The following ERCC6 variants were observed in gnomAD, a reference collection of about 807,000 sequenced individuals.
ERCC6 encodes the protein DNA excision repair protein ERCC-6.
ERCC6 carries 116 observed loss-of-function variants against 158.7 expected under a neutral mutation model. The observed-to-expected ratio is 0.73, with a 90% CI of 0.63 to 0.85. ERCC6 has a LOEUF of 0.85. Ranked by LOEUF, ERCC6 falls within the 40% of genes least tolerant of loss-of-function variation. ERCC6 has a pLI of 0.00. For missense variants in ERCC6, 1,698 were observed against 1,799.4 expected, an observed-to-expected ratio of 0.94 and a Z score of 1.02; for synonymous variants, 678 against 659.3, an observed-to-expected ratio of 1.03 and a Z score of -0.43.
chr10:49,485,545 T>A (rs1851062406), intron 8 of ERCC6, among the ~76,000 whole-genome samples: 2 of 152,320 alleles, frequency 1.3e-5, no homozygotes, highest in South Asian at 4.1e-4. Context: ...GTAATTCCTG[T>A]TCAGTTTCAT....
chr10:49,532,494 T>C (rs891488089), intron 2 of ERCC6, 49 bp downstream of exon 2: 8 of 1,608,222 alleles, frequency 5.0e-6, no homozygotes, highest in Non-Finnish European at 5.9e-6. Flanking sequence ...TGAATATCCC[T>C]GTCATGTTTT....
chr10:49,528,112 T>G (rs1306822983), intron 4 of ERCC6, among the ~76,000 whole-genome samples: 1 of 152,242 alleles, frequency 6.6e-6, no homozygotes, highest in Non-Finnish European at 1.5e-5. Flanking sequence ...TTAATCATGA[T>G]GCTAGTTGTC....
chr10:49,524,088 T>C lies in ERCC6; in HGVS notation c.1342A>G (p.Lys448Glu). 6.2e-7 allele frequency: 1 copy of C among 1,613,894 alleles called. No homozygotes were observed. The highest frequency in any genetic ancestry group is 8.5e-7 in the Non-Finnish European group (1 of 1,180,016). ...CCATCATCTCGGTATCTTCCCACTT[T>C]CCGACCTCCTCCTCCTCCTTCTCCT... is the stretch of plus-strand genomic sequence containing the variant. ...SVGEGGGGGR[K>E]VGRYRDDGDE... The change falls in exon 5 of 21, where the codon AAA becomes GAA. Residue 448 changes from lysine to glutamate, a missense_variant. Lys to Glu is a moderately conservative substitution (Grantham distance 56). Transcript: ENST00000355832.
intron 7 of ERCC6, among the ~76,000 whole-genome samples, chr10:49,500,193 C>T (rs1442001285): frequency 6.6e-6 from 1 of 152,044 alleles, no homozygotes; most frequent in Non-Finnish European, 1.5e-5. Flanking sequence ...TTTAAAATTC[C>T]ATATTGTGTA....
In ERCC6 at chr10:49,474,051, T is replaced by C. The variant is rs1259849663; in HGVS notation, c.2574A>G (p.Val858=). ...CCTGCCTTGACTGAGAAAACAGCAA[T>C]ACTCGCTGACCCTGCTTGTGCCATA... ...LKIWHKQGQR[V]LLFSQSRQML... is the part of the protein sequence containing the mutation. Residue 858 remains valine, a synonymous_variant, in exon 13 of 21, where the codon GTA becomes GTG. Coordinates refer to ENST00000355832, the MANE Select transcript of ERCC6 (RefSeq NM_000124.4). 1.2e-6 allele frequency: 2 copies of C among 1,614,100 alleles called. No individual in the cohort carries two copies. The highest frequency in any genetic ancestry group is 1.7e-6 in the Non-Finnish European group (2 of 1,180,014).
intron 5 of ERCC6, among the ~76,000 whole-genome samples, chr10:49,508,401 C>T (rs1851480622): frequency 6.6e-6 from 1 of 152,118 alleles, no homozygotes; most frequent in East Asian, 1.9e-4. Flanking sequence ...TCCTCCTCCT[C>T]CCTCCCTCCT....
At chr10:49,485,709 G>A (rs1276378199) in intron 8 of ERCC6, among the ~76,000 whole-genome samples, 6 of 152,170 alleles carry the variant, frequency 3.9e-5, no homozygotes, top group African/African-American at 1.4e-4. Flanking sequence ...GCTGATTACT[G>A]AGTAACAGTT....
downstream of ERCC6, among the ~76,000 whole-genome samples, chr10:49,453,726 T>C (rs1850446509): frequency 6.6e-6 from 1 of 151,822 alleles, no homozygotes; most frequent in African/African-American, 2.4e-5. Context: ...TTCACTTATA[T>C]TTTTGAATAA....
In ERCC6 at chr10:49,455,435, C is replaced by G. The variant is rs543455408; in HGVS notation, c.*3380G>C. 1 of 152,100 alleles carries G rather than the reference C, an allele frequency of 6.6e-6. No individual in the cohort carries two copies. The highest frequency in any genetic ancestry group is 1.9e-4 in the East Asian group (1 of 5,176). 9.4% of individuals were successfully genotyped at this position (152,100 alleles called of 1,614,324 possible). On this transcript the variant is annotated 3_prime_UTR_variant, in exon 21 of 21. Coordinates refer to ENST00000355832, the MANE Select transcript of ERCC6 (RefSeq NM_000124.4). ...TTGATTCAGCTGGAACAGAAAACAC[C>G]CAAGTATAAGACACTGAAGAGGGGG...
At chr10:49,479,504 T>G (rs947110609) in intron 10 of ERCC6, among the ~76,000 whole-genome samples, 18 of 152,186 alleles carry the variant, frequency 1.2e-4, no homozygotes, top group African/African-American at 4.1e-4. Context: ...ATCAATGACT[T>G]TTAGTTATAT....
chr10:49,495,691 A>G (rs1226655881), intron 7 of ERCC6, among the ~76,000 whole-genome samples: 1 of 152,030 alleles, frequency 6.6e-6, no homozygotes, highest in African/African-American at 2.4e-5. Flanking sequence ...CAGGTGCCCA[A>G]ATCAGAAACC....
chr10:49,504,804 A>G (rs1190103284), intron 6 of ERCC6: 1 of 152,200 alleles, frequency 6.6e-6, no homozygotes, highest in East Asian at 1.9e-4. Flanking sequence ...CTGTCCAGTT[A>G]AAGCAATCAC....
chr10:49,506,630 G>T (rs1336769618), intron 5 of ERCC6: 1 of 152,322 alleles, frequency 6.6e-6, no homozygotes, highest in African/African-American at 2.4e-5. Context: ...TACAAATTTA[G>T]TAATATGATA....
At position 49,473,569 on chromosome 10, in the gene ERCC6, C is replaced by T. The variant is rs534095433; in HGVS notation, c.2617G>A (p.Val873Ile). 2.8e-5 allele frequency: 45 copies of T among 1,607,082 alleles called. No homozygotes were observed. The South Asian group carries it at 4.8e-4, about 17-fold the overall frequency. The change falls in exon 14 of 21, where the codon GTA becomes ATA. Residue 873 changes from valine (V) to isoleucine (I), a missense_variant. Val to Ile is a conservative substitution (Grantham distance 29, BLOSUM62 3). Coordinates refer to ENST00000355832, the MANE Select transcript of ERCC6 (RefSeq NM_000124.4). ...GTATACTTTTGGGCTCTAAGGAATA[C>T]TTCAAGTATGTCCAGCATCTGTTTG... ...QSRQMLDILE[V>I]FLRAQKYTYL...
rs764527910 is a variant in ERCC6 at position 49,517,159 on chromosome 10, G to C, written c.1397+6874C>G. On this transcript the variant is annotated intron_variant, in intron 5 of 20. Coordinates refer to ENST00000355832, the MANE Select transcript of ERCC6 (RefSeq NM_000124.4). ...AAAGGTATTATTAGTCCTAGTGGTA[G>C]TGGTTTTGCCTAGTGTTCCAAAAAT... 22 of 1,532,772 alleles carry C rather than the reference G, an allele frequency of 1.4e-5. No homozygotes were observed. The South Asian group carries it at 2.7e-4, about 19-fold the overall frequency. 94.9% of individuals were successfully genotyped at this position (1,532,772 alleles called of 1,614,324 possible). A position where few individuals can be genotyped will look rare whatever the true frequency, so the allele number is the denominator to read the frequency against.
chr10:49,452,514 TGAAG>T (rs1850431602), downstream of ERCC6, among the ~76,000 whole-genome samples: 1 of 152,130 alleles, frequency 6.6e-6, no homozygotes, highest in Non-Finnish European at 1.5e-5. Context: ...AGGCCTATCC[TGAAG>T]AATGTTCTAT....
At chr10:49,460,333 C>T (rs758317802) in intron 20 of ERCC6, 40 bp downstream of exon 20, 1 of 1,395,670 alleles carries the variant, frequency 7.2e-7, no homozygotes, top group Non-Finnish European at 1.0e-6. Flanking sequence ...TTCAATCAAG[C>T]AAGTCTCACC....
chr10:49,537,512 C>CAT (rs1423012037), intron 1 of ERCC6, among the ~76,000 whole-genome samples: 15 of 148,058 alleles, frequency 1.0e-4, no homozygotes, highest in African/African-American at 3.1e-4. Flanking sequence ...TACACATACA[C>CAT]ACACACACAC....
At chr10:49,528,389 A>C (rs55881102) in intron 4 of ERCC6, 28 bp downstream of exon 4, 1 of 1,613,268 alleles carries the variant, frequency 6.2e-7, no homozygotes, top group East Asian at 2.2e-5. Flanking sequence ...ATTCAAGAAC[A>C]CAGAGAAACT....
Sources: allele counts gnomAD v4.1 joint callset (sites outside exome capture counted in the v4.1 genomes callset), GRCh38; gene constraint gnomAD v4.1.1; transcripts MANE v1.5; gene names NCBI Gene and HGNC (gene_info 2026-07-23, HGNC 2026-07-21).